TBC1D31: variants seen among roughly 807,000 people sequenced by gnomAD.
TBC1D31 encodes the protein TBC1 domain family member 31.
A neutral mutation model predicts 132.9 loss-of-function variants in TBC1D31; 99 were observed. That is an observed-to-expected ratio of 0.74 (90% CI 0.63 to 0.88). The LOEUF (loss-of-function observed/expected upper bound fraction) is 0.88. Among genes scored for constraint, TBC1D31 ranks in the 40% least tolerant of loss-of-function variants. The pLI, the probability that TBC1D31 is intolerant of heterozygous loss-of-function variation, is 0.00. For synonymous variants in TBC1D31, 385 were observed against 419.4 expected (o/e 0.92, Z 1.00); for missense variants, 1,134 against 1,256.6 (o/e 0.90, Z 1.48).
intron 15 of TBC1D31, among the ~76,000 whole-genome samples, chr8:123,129,885 T>C (rs1339441940): frequency 4.6e-5 from 7 of 152,226 alleles, no homozygotes; most frequent in Non-Finnish European, 1.0e-4. Context: ...GGATAAACAT[T>C]GAGACTAAGC....
At position 123,082,799 on chromosome 8, in the gene TBC1D31, A is replaced by G; in HGVS notation, c.322A>G (p.Ile108Val). Residue 108 changes from isoleucine to valine, a missense_variant, in exon 3 of 22, where the codon ATT becomes GTT. Coordinates refer to ENST00000287380, the MANE Select transcript of TBC1D31 (RefSeq NM_145647.4). ...CCTTGTGGCATTAGCTGATTATTCT[A>G]TTAAATGTTTTGATACAGGTAAGAA... ...EFLVALADYS[I>V]KCFDTVTKEL... The G allele has an allele frequency of 1.2e-6, 2 of 1,611,372 alleles. No individual in the cohort carries two copies. Among genetic ancestry groups the G allele is most frequent in the Non-Finnish European group, 1.7e-6 (2 of 1,178,298 alleles).
chr8:123,150,771 A>G (rs963354101), intron 21 of TBC1D31, among the ~76,000 whole-genome samples: 3 of 152,220 alleles, frequency 2.0e-5, no homozygotes, highest in South Asian at 4.1e-4. Context: ...GAAGCTAACA[A>G]TCTTCCCAGT....
Position 123,077,180 on chromosome 8 carries a change from T to A in TBC1D31, c.147T>A (p.Ala49=). The A allele has an allele frequency of 6.2e-7, 1 of 1,613,220 alleles. No individual in the cohort carries two copies. Among genetic ancestry groups the A allele is most frequent in the Non-Finnish European group, 8.5e-7 (1 of 1,179,662 alleles). ...HPKVLRFLNV[A]FDGTGDCLIA... is the part of the protein sequence containing the mutation. ...AAGTTTTGCGATTTTTGAATGTGGC[T>A]TTTGATGGCACAGGCGACTGCTTAA... The change falls in exon 2 of 22, where the codon GCT becomes GCA. Residue 49 remains alanine (A), a synonymous_variant. Transcript: ENST00000287380.
intron 13 of TBC1D31, among the ~76,000 whole-genome samples, chr8:123,126,923 G>A (rs184668995): frequency 8.6e-5 from 13 of 151,862 alleles, no homozygotes; most frequent in Admixed American, 5.9e-4. Flanking sequence ...TGTATTTTTA[G>A]TAGAGATGGG....
At chr8:123,128,254 C>T (rs774326581) in intron 13 of TBC1D31, 27 bp from the exon 14 acceptor site, 4 of 1,233,840 alleles carry the variant, frequency 3.2e-6, no homozygotes, top group African/African-American at 1.5e-5. Flanking sequence ...AGGTAAATCT[C>T]GATTTAAACA....
chr8:123,161,079 C>G, the TBC1D31 span, among the ~76,000 whole-genome samples: 2 of 152,156 alleles, frequency 1.3e-5, no homozygotes, highest in Non-Finnish European at 2.9e-5. Context: ...GCCGTGACCC[C>G]CAGGCCTGGC....
chr8:123,153,236 C>T (rs919398887), downstream of TBC1D31, among the ~76,000 whole-genome samples: 3 of 152,122 alleles, frequency 2.0e-5, no homozygotes, highest in African/African-American at 7.2e-5. Context: ...ATTGCCTGCT[C>T]ACCGGAAAGC....
At chr8:123,075,962 T>C (rs548843853) in intron 1 of TBC1D31, among the ~76,000 whole-genome samples, 2 of 152,206 alleles carry the variant, frequency 1.3e-5, no homozygotes, top group African/African-American at 2.4e-5. Context: ...TTTCCTGTTA[T>C]GAAAATAGTA....
intron 19 of TBC1D31, 74 bp from the exon 20 acceptor site, chr8:123,144,643 G>A: frequency 7.3e-6 from 10 of 1,366,502 alleles, no homozygotes; most frequent in Non-Finnish European, 9.0e-6. Context: ...GAAGACAGAA[G>A]TGGCTCATTC....
At chr8:123,147,771 A>G (rs1822366309) in intron 20 of TBC1D31, among the ~76,000 whole-genome samples, 1 of 152,190 alleles carries the variant, frequency 6.6e-6, no homozygotes, top group Non-Finnish European at 1.5e-5. Flanking sequence ...TAATCAGGGT[A>G]TATAGATTTA....
At chr8:123,163,040 G>A in the TBC1D31 span, among the ~76,000 whole-genome samples, 29 of 151,930 alleles carry the variant, frequency 1.9e-4, no homozygotes, top group Middle Eastern at 0.01. Context: ...CATGTTAGGC[G>A]GCTCTCGAAC....
chr8:123,108,274 A>T (rs1818129123), intron 8 of TBC1D31, among the ~76,000 whole-genome samples: 1 of 152,202 alleles, frequency 6.6e-6, no homozygotes, highest in Non-Finnish European at 1.5e-5. Context: ...CATCTGTTTC[A>T]TATAGTTGTT....
intron 2 of TBC1D31, among the ~76,000 whole-genome samples, chr8:123,080,850 A>C (rs1431871383): frequency 1.3e-5 from 2 of 152,028 alleles, no homozygotes; most frequent in Non-Finnish European, 2.9e-5. Context: ...CTTTTCTTAT[A>C]TCTGCTTTTT....
chr8:123,142,592 C>A (rs1355326217), intron 19 of TBC1D31, 136 bp downstream of exon 19: 2 of 629,332 alleles, frequency 3.2e-6, no homozygotes, highest in Non-Finnish European at 5.0e-6. Flanking sequence ...CATCAGCCTC[C>A]CAAAGTGCTG....
At chr8:123,102,136 C>A in intron 7 of TBC1D31, 1 of 415,876 alleles carries the variant, frequency 2.4e-6, no homozygotes, top group South Asian at 1.7e-5. Context: ...TCTAAAATTC[C>A]CCCAGCTAAC....
rs1330461364 is a variant in TBC1D31 at position 123,086,477 on chromosome 8, C to T, written c.519+2137C>T. Among the ~76,000 whole-genome samples the T allele has an allele frequency of 2.0e-5, 3 of 152,122 alleles. No individual in the cohort carries two copies. In the East Asian group the frequency reaches 5.8e-4, roughly 29 times the overall value. ...GTGAAGCCAGATTGGAGGCTTTCTG[C>T]AGAGTCAGGCCTCCCAAATCCTGGG... On this transcript the variant is annotated intron_variant, in intron 4 of 21. Transcript: ENST00000287380.
At chr8:123,131,144 A>G (rs940031551) in intron 16 of TBC1D31, among the ~76,000 whole-genome samples, 1 of 151,534 alleles carries the variant, frequency 6.6e-6, no homozygotes, top group Non-Finnish European at 1.5e-5. Context: ...CAGGCAGATC[A>G]CCTGAGGTCA....
Position 123,120,012 on chromosome 8 carries a change from A to G in TBC1D31, c.1437-43A>G, listed in dbSNP as rs759022679. The G allele has an allele frequency of 1.0e-5, 15 of 1,467,208 alleles. 1 individual carries two copies. In the South Asian group the frequency reaches 1.9e-4, roughly 19 times the overall value. 90.9% of individuals were successfully genotyped at this position (1,467,208 alleles called of 1,614,324 possible). On this transcript the variant is annotated intron_variant, in intron 10 of 21. Transcript: ENST00000287380. ...CAAATTTTTATCATGTGAAGATATT[A>G]TTTATTCAAATAAATTTTAATGCTA...
intron 8 of TBC1D31, among the ~76,000 whole-genome samples, chr8:123,109,091 G>A (rs1363773010): frequency 1.3e-5 from 2 of 152,148 alleles, no homozygotes; most frequent in African/African-American, 2.4e-5. Context: ...GAAAAAGTTT[G>A]TCAAGCTTGT....
Sources: gnomAD v4.1 joint callset for allele counts (sites outside exome capture counted in the v4.1 genomes callset) on GRCh38, gnomAD v4.1.1 for gene constraint, MANE v1.5 for transcripts, NCBI Gene and HGNC (gene_info 2026-07-23, HGNC 2026-07-21) for gene names.